The following DNAH9 variants were observed in gnomAD, a reference collection of about 807,000 sequenced individuals.
DNAH9 encodes the protein DNAH9 variant protein.
DNAH9 carries 345 observed loss-of-function variants against 471.6 expected under a neutral mutation model. The observed-to-expected ratio is 0.73, with a 90% CI of 0.67 to 0.80. The LOEUF (loss-of-function observed/expected upper bound fraction) is 0.80, where lower values mean the gene tolerates loss of function less well. Among genes scored for constraint, DNAH9 ranks in the 30% least tolerant of loss-of-function variants. The pLI, the probability that DNAH9 is intolerant of heterozygous loss-of-function variation, is 0.00. For synonymous variants in DNAH9, 2,093 were observed against 2,123.6 expected (o/e 0.99, Z 0.40); for missense variants, 5,407 against 5,609.2 (o/e 0.96, Z 1.15).
Position 11,957,568 on chromosome 17 carries a change from G to GA in DNAH9, c.12844-4284dup, listed in dbSNP as rs796811713. Among the ~76,000 whole-genome samples the GA allele has an allele frequency of 4.3e-3, 429 of 99,120 alleles. 2 individuals carry two copies. Among genetic ancestry groups the GA allele is most frequent in the Admixed American group, 0.012 (104 of 9,022 alleles). 65.0% of individuals were successfully genotyped at this position (99,120 alleles called of 152,430 possible). A position where few individuals can be genotyped will look rare whatever the true frequency, so the allele number is the denominator to read the frequency against. ...ATGCCTCATAGACCTCAGAATGGGA[G>GA]AAAAAAAAAAAAAAAGCCAGCAAGC... On this transcript the variant is annotated intron_variant, in intron 67 of 68. Coordinates refer to ENST00000262442, the MANE Select transcript of DNAH9 (RefSeq NM_001372.4).
In DNAH9 at chr17:11,969,433, G is replaced by C. The variant is rs536128098; in HGVS notation, c.13367G>C (p.Arg4456Pro). ...YSCPVYKTSQRGPTYVWTFNL... is the reference protein window; with the variant it reads ...YSCPVYKTSQPGPTYVWTFNL... Reference sequence around the variant, plus strand: ...TGTCCTGTGTACAAGACTAGTCAGCGGGGACCCACCTACGTGTGGACTTTC... The same window carrying C: ...TGTCCTGTGTACAAGACTAGTCAGCCGGGACCCACCTACGTGTGGACTTTC... The change falls in exon 69 of 69, where the codon CGG becomes CCG. Residue 4456 changes from arginine (R) to proline (P), a missense_variant. Arg to Pro is a moderately radical substitution (Grantham distance 103). This residue lies in a region of DNAH9 where 4,636 missense variants were observed against 4,900.3 expected (regional missense o/e 0.95). Transcript: ENST00000262442. The C allele has an allele frequency of 3.7e-6, 6 of 1,613,780 alleles. No individual in the cohort carries two copies. Among genetic ancestry groups the C allele is most frequent in the Non-Finnish European group, 4.2e-6 (5 of 1,180,002 alleles).
chr17:11,827,809 C>G (rs1165219047), intron 48 of DNAH9, among the ~76,000 whole-genome samples: 1 of 152,128 alleles, frequency 6.6e-6, no homozygotes, highest in Non-Finnish European at 1.5e-5. Flanking sequence ...CCTCAGCCTC[C>G]CAAGTAGCTG....
Position 11,700,892 on chromosome 17 carries a change from A to G in DNAH9, c.5026-230A>G, listed in dbSNP as rs372222046. ...CCCTTAACCTGCTACTCTGTCCTGCATATTCCAAATGCACACATCAGCCTG... is the reference window on the plus strand; with the variant it reads ...CCCTTAACCTGCTACTCTGTCCTGCGTATTCCAAATGCACACATCAGCCTG... On this transcript the variant is annotated intron_variant, in intron 23 of 68. Transcript: ENST00000262442. Among the ~76,000 whole-genome samples the G allele has an allele frequency of 2.0e-5, 3 of 152,268 alleles. No individual in the cohort carries two copies. The South Asian group carries it at 6.2e-4, about 32-fold the overall frequency.
At chr17:11,956,795 T>C (rs997149414) in intron 67 of DNAH9, among the ~76,000 whole-genome samples, 3 of 151,718 alleles carry the variant, frequency 2.0e-5, no homozygotes, top group African/African-American at 7.3e-5. Flanking sequence ...TAGAGGGAAA[T>C]GTATAGCATG....
intron 14 of DNAH9, among the ~76,000 whole-genome samples, chr17:11,654,241 A>G (rs2073579286): frequency 1.0e-5 from 1 of 98,470 alleles, no homozygotes. Flanking sequence ...CTGTAGTCCC[A>G]GCTACTCGGG....
chr17:11,852,845 T>A (rs1971475799), intron 49 of DNAH9, among the ~76,000 whole-genome samples: 1 of 133,170 alleles, frequency 7.5e-6, no homozygotes, highest in African/African-American at 3.1e-5. Context: ...TATATATATA[T>A]ATATATATAT....
chr17:11,730,941 G>C (rs561480866), intron 28 of DNAH9, among the ~76,000 whole-genome samples: 1 of 26,294 alleles, frequency 3.8e-5, no homozygotes, highest in East Asian at 9.8e-3. Context: ...TGGTGATGAC[G>C]GTGATGATGA....
intron 19 of DNAH9, among the ~76,000 whole-genome samples, chr17:11,688,090 AAAAAAAAAAAG>A (rs964594924): frequency 4.8e-5 from 7 of 145,936 alleles, no homozygotes; most frequent in African/African-American, 1.8e-4. Flanking sequence ...GCCAAAAAAA[AAAAAAAAAAAG>A]AAAAAGCCAT....
chr17:11,635,418 T>G (rs1207195701), intron 8 of DNAH9, among the ~76,000 whole-genome samples: 1 of 148,886 alleles, frequency 6.7e-6, no homozygotes, highest in East Asian at 2.0e-4. Context: ...TGGCCTCAAG[T>G]GATGTGCCTG....
intron 1 of DNAH9, 29 bp downstream of exon 1, chr17:11,598,944 C>T (rs567590028): frequency 7.4e-5 from 89 of 1,205,258 alleles, no homozygotes; most frequent in South Asian, 7.3e-4. Flanking sequence ...CCCCGCGCGG[C>T]TAAAGCTGGG....
intron 38 of DNAH9, among the ~76,000 whole-genome samples, chr17:11,774,666 A>G (rs1328999104): frequency 6.6e-6 from 1 of 152,146 alleles, no homozygotes; most frequent in Non-Finnish European, 1.5e-5. Flanking sequence ...GCTACAATTC[A>G]AGATGAGATT....
chr17:11,791,668 A>G lies in DNAH9; in HGVS notation c.8062-1835A>G, dbSNP rs970125877. Among the ~76,000 whole-genome samples, 38 of 152,242 alleles carry G rather than the reference A, an allele frequency of 2.5e-4. 1 individual carries two copies. Among genetic ancestry groups the G allele is most frequent in the Admixed American group, 2.2e-3 (34 of 15,292 alleles). Reference sequence around the variant, plus strand: ...GGAGGCTGCCGCGAGCCGAGATTGCACCACTGCACTCCAGTCTGGGTGACA... The same window carrying G: ...GGAGGCTGCCGCGAGCCGAGATTGCGCCACTGCACTCCAGTCTGGGTGACA... On this transcript the variant is annotated intron_variant, in intron 41 of 68. Transcript: ENST00000262442.
chr17:11,927,264 A>G (rs1172045553), intron 62 of DNAH9, among the ~76,000 whole-genome samples: 3 of 152,198 alleles, frequency 2.0e-5, no homozygotes, highest in East Asian at 3.8e-4. Flanking sequence ...TAGTTTAATC[A>G]GATCCCACTT....
At chr17:11,695,030 A>G (rs1284788701) in intron 22 of DNAH9, among the ~76,000 whole-genome samples, 1 of 150,638 alleles carries the variant, frequency 6.6e-6, no homozygotes, top group Non-Finnish European at 1.5e-5. Flanking sequence ...CTGGGACCAC[A>G]GGTGCATGCC....
At chr17:11,695,067 T>G (rs2074450270) in intron 22 of DNAH9, among the ~76,000 whole-genome samples, 1 of 150,898 alleles carries the variant, frequency 6.6e-6, no homozygotes, top group Admixed American at 6.6e-5. Flanking sequence ...TTTTTTGTAT[T>G]TTAGTAGAGA....
At chr17:11,953,787 T>TGAAATGAAGCCA (rs1975505847) in intron 67 of DNAH9, 1 of 146,510 alleles carries the variant, frequency 6.8e-6, no homozygotes, top group African/African-American at 2.5e-5. Context: ...TGTGATCAAT[T>TGAAATGAAGCCA]GAAATGAAGC....
At chr17:11,652,693 T>C in intron 13 of DNAH9, 68 bp from the exon 14 acceptor site, 1 of 1,468,862 alleles carries the variant, frequency 6.8e-7, no homozygotes, top group South Asian at 1.2e-5. Flanking sequence ...CTGTCTTTCA[T>C]AGCAACTAGC....
chr17:11,846,596 G>A (rs1177742529), intron 49 of DNAH9, among the ~76,000 whole-genome samples: 1 of 145,558 alleles, frequency 6.9e-6, no homozygotes, highest in Non-Finnish European at 1.5e-5. Context: ...ACCTTGGGCA[G>A]TATGGCCATT....
At chr17:11,844,392 G>A (rs984240141) in intron 49 of DNAH9, among the ~76,000 whole-genome samples, 32 of 152,018 alleles carry the variant, frequency 2.1e-4, no homozygotes, top group Non-Finnish European at 4.3e-4. Flanking sequence ...TTGAAATTTT[G>A]TTTTAGTCAT....
Sources: allele counts gnomAD v4.1 joint callset (sites outside exome capture counted in the v4.1 genomes callset), GRCh38; gene constraint gnomAD v4.1.1; regional missense constraint gnomAD v4.1.1; transcripts MANE v1.5; gene names NCBI Gene and HGNC (gene_info 2026-07-23, HGNC 2026-07-21).